The following CNTNAP4 variants were observed in gnomAD, a reference collection of about 807,000 sequenced individuals.
CNTNAP4 encodes the protein contactin associated protein family member 4.
A neutral mutation model predicts 148.4 loss-of-function variants in CNTNAP4; 98 were observed. That is an observed-to-expected ratio of 0.66 (90% CI 0.56 to 0.78). The LOEUF (loss-of-function observed/expected upper bound fraction) is 0.78. Ranked by LOEUF, CNTNAP4 falls within the 30% of genes least tolerant of loss-of-function variation. CNTNAP4 has a pLI of 0.00. For synonymous variants in CNTNAP4, 730 were observed against 565.1 expected, an observed-to-expected ratio of 1.29 and a Z score of -4.14; for missense variants, 1,935 against 1,565.6, an observed-to-expected ratio of 1.24 and a Z score of -3.98.
Position 76,560,355 on chromosome 16 carries a change from G to T in CNTNAP4, c.*1672G>T, listed in dbSNP as rs1039315111. 2.6e-5 allele frequency among the ~76,000 whole-genome samples: 4 copies of T among 152,098 alleles called. No homozygotes were observed. The highest frequency in any genetic ancestry group is 9.7e-5 in the African/African-American group (4 of 41,408). The stretch of plus-strand genomic sequence containing the variant: ...CATATTGATGTTTCTGCAAATGCCT[G>T]ACTAAATCTTAAGAACCTGAATTAA... On this transcript the variant is annotated 3_prime_UTR_variant, in exon 24 of 24. Transcript: ENST00000611870.
intron 3 of CNTNAP4, among the ~76,000 whole-genome samples, chr16:76,386,751 G>C (rs977095929): frequency 6.6e-6 from 1 of 152,054 alleles, no homozygotes; most frequent in Non-Finnish European, 1.5e-5. Context: ...CTATAAAAAA[G>C]GCATATTGGG....
chr16:76,401,218 C>T (rs533511501), intron 3 of CNTNAP4, among the ~76,000 whole-genome samples: 1 of 152,156 alleles, frequency 6.6e-6, no homozygotes, highest in South Asian at 2.1e-4. Flanking sequence ...TTTCTTTGAG[C>T]AGTGTTTTGT....
chr16:76,359,187 T>C (rs547844983), intron 3 of CNTNAP4, among the ~76,000 whole-genome samples: 1 of 152,204 alleles, frequency 6.6e-6, no homozygotes, highest in Admixed American at 6.5e-5. Context: ...AACTTTTTGT[T>C]TTCTGGCTCA....
In CNTNAP4 at chr16:76,427,572, C is replaced by T. The variant is rs1013311455; in HGVS notation, c.511C>T (p.Arg171Ter). ...GAACCCCAAGGGCAGAATTGGAATG[C>T]GAATCGAAGTGTTCGGATGTGCATA... ...EWNPKGRIGM[R>*]IEVFGCAYRS... The change falls in exon 4 of 24, where the codon CGA becomes TGA. Residue 171 changes from arginine to a stop codon, truncating the protein, a stop_gained. Coordinates refer to ENST00000611870, the MANE Select transcript of CNTNAP4 (RefSeq NM_033401.5). LOFTEE classifies it high-confidence loss of function. The T allele has an allele frequency of 1.9e-6, 3 of 1,611,926 alleles. No individual in the cohort carries two copies. The highest frequency in any genetic ancestry group is 2.5e-6 in the Non-Finnish European group (3 of 1,178,926).
At chr16:76,295,784 T>A (rs1055293867) in intron 1 of CNTNAP4, among the ~76,000 whole-genome samples, 27 of 152,172 alleles carry the variant, frequency 1.8e-4, no homozygotes, top group African/African-American at 6.0e-4. Context: ...GTACTATGCT[T>A]TTTGTATGTA....
chr16:76,370,681 G>A (rs981500647), intron 3 of CNTNAP4, among the ~76,000 whole-genome samples: 2 of 152,162 alleles, frequency 1.3e-5, no homozygotes, highest in African/African-American at 2.4e-5. Flanking sequence ...CCTGAAGAAG[G>A]TATGTTACTA....
intron 15 of CNTNAP4, among the ~76,000 whole-genome samples, chr16:76,507,115 A>T (rs9927954): frequency 0.071 from 6,891 of 97,334 alleles, 1,445 homozygotes; most frequent in African/African-American, 0.16. Context: ...AGATGTATAT[A>T]TTTATGGGAT....
chr16:76,465,742 T>G (rs991220506), intron 9 of CNTNAP4, among the ~76,000 whole-genome samples: 1 of 152,204 alleles, frequency 6.6e-6, no homozygotes, highest in African/African-American at 2.4e-5. Context: ...GCTGGAAATG[T>G]GTGTAGTACC....
intron 17 of CNTNAP4, among the ~76,000 whole-genome samples, chr16:76,529,579 G>A (rs1034645658): frequency 1.1e-4 from 16 of 152,082 alleles, no homozygotes; most frequent in South Asian, 8.3e-4. Flanking sequence ...AACCAGCTCC[G>A]CAATTTTTGT....
At chr16:76,491,241 G>A (rs2082209611) in intron 13 of CNTNAP4, among the ~76,000 whole-genome samples, 1 of 152,006 alleles carries the variant, frequency 6.6e-6, no homozygotes. Context: ...CCTCCTCCTG[G>A]AACCTCAATT....
At position 76,452,637 on chromosome 16, in the gene CNTNAP4, T is replaced by G; in HGVS notation, c.1201T>G (p.Trp401Gly). 1 of 1,613,968 alleles carries G rather than the reference T, an allele frequency of 6.2e-7. No individual in the cohort carries two copies. The highest frequency in any genetic ancestry group is 1.1e-5 in the South Asian group (1 of 91,074). The change falls in exon 8 of 24, where the codon TGG (tryptophan) becomes GGG (glycine). Residue 401 changes from tryptophan (W) to glycine (G), a missense_variant. Trp to Gly is a radical substitution (Grantham distance 184). Coordinates refer to ENST00000611870, the MANE Select transcript of CNTNAP4 (RefSeq NM_033401.5). ...EVSATFQFRT[W>G]NKAGLLLFSE... ...TTCTGCCACTTTTCAATTTCGAACT[T>G]GGAATAAGGCAGGGCTTCTGCTGTT...
At chr16:76,321,923 T>A (rs1017182778) in intron 2 of CNTNAP4, among the ~76,000 whole-genome samples, 2 of 150,110 alleles carry the variant, frequency 1.3e-5, no homozygotes, top group South Asian at 4.2e-4. Context: ...ATCTCAAGCC[T>A]AGAGAAAGGG....
intron 10 of CNTNAP4, among the ~76,000 whole-genome samples, chr16:76,471,280 G>A (rs2081364389): frequency 6.6e-6 from 1 of 152,172 alleles, no homozygotes; most frequent in Non-Finnish European, 1.5e-5. Flanking sequence ...AAATGTGAGT[G>A]GGGCTGGGGC....
intron 3 of CNTNAP4, among the ~76,000 whole-genome samples, chr16:76,356,989 A>C (rs2012741737): frequency 6.6e-6 from 1 of 151,960 alleles, no homozygotes; most frequent in South Asian, 2.1e-4. Context: ...GTTTTAAGAA[A>C]AGCTGTTTAA....
chr16:76,283,754 C>G (rs1431194758), intron 1 of CNTNAP4, among the ~76,000 whole-genome samples: 5 of 151,886 alleles, frequency 3.3e-5, no homozygotes. Flanking sequence ...ACAACAAACC[C>G]CCATGACACA....
chr16:76,501,941 C>T (rs1048927715), intron 15 of CNTNAP4, among the ~76,000 whole-genome samples: 4 of 151,188 alleles, frequency 2.6e-5, no homozygotes, highest in Non-Finnish European at 3.0e-5. Flanking sequence ...TAGTGGCGGG[C>T]GCCTGTAGTC....
chr16:76,458,171 C>T (rs979308175), intron 8 of CNTNAP4, among the ~76,000 whole-genome samples: 2 of 152,084 alleles, frequency 1.3e-5, no homozygotes, highest in Non-Finnish European at 2.9e-5. Context: ...TGTATATGTG[C>T]CACATTTTCT....
At chr16:76,400,728 A>AAG (rs1383926248) in intron 3 of CNTNAP4, among the ~76,000 whole-genome samples, 2 of 152,148 alleles carry the variant, frequency 1.3e-5, no homozygotes, top group African/African-American at 4.8e-5. Context: ...TGGTGTAAGG[A>AAG]AGGGGTCCAG....
At chr16:76,494,739 T>C (rs1479861598) in intron 13 of CNTNAP4, among the ~76,000 whole-genome samples, 171 bp from the exon 14 acceptor site, 1 of 152,196 alleles carries the variant, frequency 6.6e-6, no homozygotes, top group East Asian at 1.9e-4. Flanking sequence ...AAAAAAGTGT[T>C]CTTAAGGAAA....
Sources: allele counts gnomAD v4.1 joint callset (sites outside exome capture counted in the v4.1 genomes callset), GRCh38; gene constraint gnomAD v4.1.1; transcripts MANE v1.5; gene names NCBI Gene and HGNC (gene_info 2026-07-23, HGNC 2026-07-21).